Variants in UTP15 observed in about 807,000 individuals in gnomAD.
UTP15 encodes U3 small nucleolar RNA-associated protein 15 homolog.
A neutral mutation model predicts 59.1 loss-of-function variants in UTP15; 5 were observed. The observed-to-expected ratio is 0.08, with a 90% confidence interval of 0.04 to 0.18. UTP15 has a LOEUF of 0.18. Ranked by LOEUF, UTP15 falls within the 10% of genes least tolerant of loss-of-function variation. UTP15 has a pLI of 1.00. For synonymous variants in UTP15, 211 were observed against 212.2 expected (o/e 0.99, Z 0.05); for missense variants, 494 against 616.7 (o/e 0.80, Z 2.11).
At chr5:73,574,027 A>G (rs1423550244) in intron 7 of UTP15, among the ~76,000 whole-genome samples, 1 of 152,150 alleles carries the variant, frequency 6.6e-6, no homozygotes, top group Non-Finnish European at 1.5e-5. Context: ...ACTATGATAC[A>G]ATAATCATAT....
intron 7 of UTP15, 84 bp downstream of exon 7, chr5:73,572,708 G>T: frequency 7.2e-7 from 1 of 1,380,556 alleles, no homozygotes; most frequent in Admixed American, 2.2e-5. Context: ...AGCAATATTT[G>T]TGATAAGTAT....
At chr5:73,573,865 C>T (rs1287160821) in intron 7 of UTP15, among the ~76,000 whole-genome samples, 3 of 152,022 alleles carry the variant, frequency 2.0e-5, no homozygotes, top group African/African-American at 2.4e-5. Context: ...TGAGCCACCA[C>T]GCCTGACCTA....
intron 7 of UTP15, 24 bp from the exon 8 acceptor site, chr5:73,576,928 G>T: frequency 6.5e-7 from 1 of 1,531,110 alleles, no homozygotes; most frequent in South Asian, 1.2e-5. Context: ...GGTGATTTTT[G>T]ACAAAGCTTT....
rs1179983113 is a variant in UTP15 at position 73,581,207 on chromosome 5, A to C, written c.*1113A>C. The C allele has an allele frequency of 6.6e-6, 1 of 152,048 alleles. No homozygotes were observed. Among genetic ancestry groups the C allele is most frequent in the Non-Finnish European group, 1.5e-5 (1 of 68,038 alleles). The allele number at this position is 152,048 out of a possible 1,614,324, so 9.4% of individuals were successfully genotyped here. On this transcript the variant is annotated 3_prime_UTR_variant, in exon 13 of 13. Coordinates refer to ENST00000296792, the MANE Select transcript of UTP15 (RefSeq NM_032175.4). Reference sequence around the variant, plus strand: ...GTAGCTGGGATTACAGGTGTGCCCCACCACGCCTGGCTAATTTTTGTAGTT... The same window carrying C: ...GTAGCTGGGATTACAGGTGTGCCCCCCCACGCCTGGCTAATTTTTGTAGTT...
intron 7 of UTP15, 65 bp from the exon 8 acceptor site, chr5:73,576,887 A>G: frequency 1.8e-6 from 2 of 1,135,064 alleles, no homozygotes; most frequent in African/African-American, 1.6e-5. Flanking sequence ...TTTTCAGAAA[A>G]TAGAAATTTG....
At chr5:73,568,367 A>G (rs1250417781) in intron 3 of UTP15, 40 bp downstream of exon 3, 3 of 1,585,528 alleles carry the variant, frequency 1.9e-6, no homozygotes, top group African/African-American at 2.7e-5. Flanking sequence ...TCTTTTGTAT[A>G]GTTTACTACT....
At chr5:73,570,562 A>G in intron 5 of UTP15, 24 bp from the exon 6 acceptor site, 1 of 1,610,790 alleles carries the variant, frequency 6.2e-7, no homozygotes, top group Non-Finnish European at 8.5e-7. Context: ...AGTCAAACTA[A>G]AAATTCAAAA....
intron 1 of UTP15, among the ~76,000 whole-genome samples, chr5:73,567,061 A>G (rs1460542484): frequency 6.6e-6 from 1 of 152,212 alleles, no homozygotes; most frequent in Non-Finnish European, 1.5e-5. Context: ...ACCTTTGTGT[A>G]CAGCTGAATA....
At position 73,580,026 on chromosome 5, in the gene UTP15, A is replaced by T. The variant is rs148125703; in HGVS notation, c.1489A>T (p.Lys497Ter). The T allele has an allele frequency of 6.2e-7, 1 of 1,613,936 alleles. No homozygotes were observed. The highest frequency in any genetic ancestry group is 8.5e-7 in the Non-Finnish European group (1 of 1,179,856). ...MDMLFATMRR[K>*]EGTSVLEHTS... ...TATGCTTTTTGCCACCATGAGAAGG[A>T]AGGAAGGCACTTCTGTGTTGGAACA... The change falls in exon 13 of 13, where the codon AAG (lysine) becomes TAG (stop). Residue 497 changes from lysine (K) to a stop codon, truncating the protein, a stop_gained. Transcript: ENST00000296792. LOFTEE classifies it high-confidence loss of function.
intron 1 of UTP15, chr5:73,566,210 T>A (rs1747756884): frequency 9.2e-6 from 2 of 218,518 alleles, no homozygotes; most frequent in South Asian, 1.2e-4. Flanking sequence ...AATGGAGTTT[T>A]AAAATATTTG....
At chr5:73,570,863 T>G in intron 6 of UTP15, 152 bp downstream of exon 6, 1 of 1,089,368 alleles carries the variant, frequency 9.2e-7, no homozygotes, top group Non-Finnish European at 1.3e-6. Flanking sequence ...CAAGCAGTTA[T>G]CATTTATTGT....
chr5:73,579,055 C>T lies in UTP15; in HGVS notation c.1185C>T (p.Ser395=), dbSNP rs1289977574. ...TAAAGACACCCGAGATTACGGTGTC[C>T]ATCATAAAGGAGTTAAATCGAAGAG... ...CTIKTPEITV[S]IIKELNRRGV... The change falls in exon 11 of 13, where the codon TCC becomes TCT. Residue 395 remains serine, a synonymous_variant. Transcript: ENST00000296792. 6.2e-7 allele frequency: 1 copy of T among 1,613,658 alleles called. No individual in the cohort carries two copies. The highest frequency in any genetic ancestry group is 8.5e-7 in the Non-Finnish European group (1 of 1,179,870).
chr5:73,569,768 A>AT (rs1046671899), intron 5 of UTP15, 93 bp downstream of exon 5: 33 of 1,090,702 alleles, frequency 3.0e-5, no homozygotes, highest in African/African-American at 2.9e-4. Context: ...AGGGGTTTAA[A>AT]TTTTTTTTAT....
In UTP15 at chr5:73,565,826, G is replaced by T. The variant is rs1259728333; in HGVS notation, c.-170G>T. 2.2e-6 allele frequency: 1 copy of T among 456,304 alleles called. No homozygotes were observed. The highest frequency in any genetic ancestry group is 4.4e-6 in the Non-Finnish European group (1 of 226,966). The allele number at this position is 456,304 out of a possible 1,614,324, so 28.3% of individuals were successfully genotyped here. ...ATGTGATTTTTACGCCAGTGCTGCT[G>T]AACTGTGCAGGGTAGGGAGCTGGCA... On this transcript the variant is annotated 5_prime_UTR_variant, in exon 1 of 13. Coordinates refer to ENST00000296792, the MANE Select transcript of UTP15 (RefSeq NM_032175.4).
At chr5:73,567,115 C>A in intron 1 of UTP15, 147 bp from the exon 2 acceptor site, 1 of 257,964 alleles carries the variant, frequency 3.9e-6, no homozygotes, top group Non-Finnish European at 7.3e-6. Flanking sequence ...TTCCTGCTTC[C>A]TATAGATTGC....
At chr5:73,572,071 C>G (rs1269084816) in intron 6 of UTP15, among the ~76,000 whole-genome samples, 1 of 152,146 alleles carries the variant, frequency 6.6e-6, no homozygotes, top group Admixed American at 6.5e-5. Context: ...GTTCCCCAGT[C>G]AAGATTTCAG....
chr5:73,572,445 A>G, intron 6 of UTP15, 44 bp from the exon 7 acceptor site: 2 of 1,606,732 alleles, frequency 1.2e-6, no homozygotes, highest in Non-Finnish European at 1.7e-6. Context: ...AATATGTTGA[A>G]TCTGTGGGCA....
At chr5:73,568,727 A>G (rs1747853256) in intron 4 of UTP15, 123 bp downstream of exon 4, 1 of 901,894 alleles carries the variant, frequency 1.1e-6, no homozygotes, top group East Asian at 2.6e-5. Flanking sequence ...TAGGTACTAT[A>G]TTTCCTGATT....
At position 73,566,622 on chromosome 5, in the gene UTP15, T is replaced by G. The variant is rs148715728; in HGVS notation, c.-83-640T>G. On this transcript the variant is annotated intron_variant, in intron 1 of 12. Transcript: ENST00000296792. The stretch of plus-strand genomic sequence containing the variant: ...CATTTACCTGATAACATTGAATCTC[T>G]TTTGCAATTGAGTCGTTCTGGAAAA... 4.9e-3 allele frequency among the ~76,000 whole-genome samples: 754 copies of G among 152,352 alleles called. 8 individuals carry two copies. The highest frequency in any genetic ancestry group is 0.017 in the African/African-American group (725 of 41,582).
Sources: allele counts gnomAD v4.1 joint callset (sites outside exome capture counted in the v4.1 genomes callset), GRCh38; gene constraint gnomAD v4.1.1; transcripts MANE v1.5; gene names NCBI Gene and HGNC (gene_info 2026-07-23, HGNC 2026-07-21).